The following CENPC variants were observed in gnomAD, a reference collection of about 807,000 sequenced individuals.
The protein encoded by CENPC is CENP-C 1.
CENPC carries 63 observed loss-of-function variants against 112.1 expected under a neutral mutation model. The ratio of observed to expected loss-of-function variants is 0.56; its 90% CI spans 0.46 to 0.69. The LOEUF is 0.69. Among genes scored for constraint, CENPC ranks in the 30% least tolerant of loss-of-function variants. The pLI is 0.00. For missense variants in CENPC, 1,000 were observed against 1,103.8 expected, an observed-to-expected ratio of 0.91 and a Z score of 1.33; for synonymous variants, 333 against 367.6, an observed-to-expected ratio of 0.91 and a Z score of 1.08.
intron 9 of CENPC, among the ~76,000 whole-genome samples, chr4:67,509,341 T>A (rs1370200432): frequency 3.3e-5 from 5 of 151,962 alleles, no homozygotes; most frequent in Non-Finnish European, 7.4e-5. Flanking sequence ...GCCCTTCAAA[T>A]CTGTCACAGG....
At chr4:67,492,798 A>G (rs775332844) in intron 15 of CENPC, 71 bp downstream of exon 15, 22 of 1,423,596 alleles carry the variant, frequency 1.5e-5, no homozygotes, top group African/African-American at 2.9e-5. Flanking sequence ...CATATTTTGC[A>G]AAGAGCTTCT....
At chr4:67,543,948 C>G (rs2109839760) in intron 2 of CENPC, among the ~76,000 whole-genome samples, 1 of 152,298 alleles carries the variant, frequency 6.6e-6, no homozygotes, top group East Asian at 1.9e-4. Flanking sequence ...ACTATTTTAT[C>G]AGGTGAATTT....
At chr4:67,508,693 G>A (rs1317678654) in intron 10 of CENPC, 121 bp downstream of exon 10, 2 of 846,458 alleles carry the variant, frequency 2.4e-6, no homozygotes, top group East Asian at 5.3e-5. Context: ...TTTAATACCA[G>A]GTATGTCAGA....
intron 18 of CENPC, among the ~76,000 whole-genome samples, chr4:67,473,882 A>G (rs1724735520): frequency 1.3e-5 from 2 of 152,182 alleles, no homozygotes; most frequent in Non-Finnish European, 2.9e-5. Flanking sequence ...GAATGAGTGA[A>G]TGAATGACAA....
At chr4:67,472,775 AAG>A in intron 18 of CENPC, 100 bp from the exon 19 acceptor site, 1 of 1,228,346 alleles carries the variant, frequency 8.1e-7, no homozygotes, top group African/African-American at 1.6e-5. Context: ...TATAGGACAC[AAG>A]ATAAAAACAA....
At chr4:67,541,204 A>G (rs1726880582) in intron 2 of CENPC, among the ~76,000 whole-genome samples, 154 bp from the exon 3 acceptor site, 1 of 152,190 alleles carries the variant, frequency 6.6e-6, no homozygotes, top group Admixed American at 6.5e-5. Flanking sequence ...TTGAGGGTCT[A>G]TACATTCCCT....
Position 67,512,539 on chromosome 4 carries a change from T to C in CENPC, c.1475A>G (p.Lys492Arg). ...AAAGCGCTTCTTTTTAGATTCTTCCTTATCTTTTCTAGTGCTACTTTTCTT... is the reference window on the plus strand; with the variant it reads ...AAAGCGCTTCTTTTTAGATTCTTCCCTATCTTTTCTAGTGCTACTTTTCTT... Reference protein sequence around the residue: ...GSKKSSTRKDKEESKKKRFSS... With the variant: ...GSKKSSTRKDREESKKKRFSS... The change falls in exon 9 of 19, where the codon AAG becomes AGG. Residue 492 changes from lysine to arginine, a missense_variant. Coordinates refer to ENST00000273853, the MANE Select transcript of CENPC (RefSeq NM_001812.4). The C allele has an allele frequency of 6.4e-7, 1 of 1,557,744 alleles. No individual in the cohort carries two copies. The highest frequency in any genetic ancestry group is 8.7e-7 in the Non-Finnish European group (1 of 1,155,094).
chr4:67,514,151 C>A lies in CENPC; in HGVS notation c.1367G>T (p.Arg456Ile). The change falls in exon 8 of 19, where the codon AGA becomes ATA. Residue 456 changes from arginine to isoleucine, a missense_variant. By Grantham distance (97) the Arg-to-Ile change is moderately conservative. Coordinates refer to ENST00000273853, the MANE Select transcript of CENPC (RefSeq NM_001812.4). ...TSHITQDEFQ[R>I]NSDRNMEEHE... is the part of the protein sequence containing the mutation. ...CTCTTCCATATTTCTGTCTGAATTT[C>A]TTTGAAATTCGTCTTGGGTAATATG... 2 of 1,610,840 alleles carry A rather than the reference C, an allele frequency of 1.2e-6. No homozygotes were observed. The highest frequency in any genetic ancestry group is 1.7e-6 in the Non-Finnish European group (2 of 1,178,726).
chr4:67,510,681 T>C (rs1436314623), intron 9 of CENPC: 1 of 244,102 alleles, frequency 4.1e-6, no homozygotes, highest in Admixed American at 5.1e-5. Flanking sequence ...ACCTCATTCC[T>C]GCCCCATGGC....
chr4:67,507,194 G>A (rs1236810742), intron 10 of CENPC, among the ~76,000 whole-genome samples: 2 of 152,102 alleles, frequency 1.3e-5, no homozygotes, highest in East Asian at 1.9e-4. Context: ...GGGACATAAG[G>A]AGACCTTATC....
At chr4:67,474,025 T>C (rs1345382721) in intron 18 of CENPC, among the ~76,000 whole-genome samples, 2 of 152,160 alleles carry the variant, frequency 1.3e-5, no homozygotes, top group African/African-American at 4.8e-5. Context: ...ATAATTTTTG[T>C]TCTCCTCTGT....
At chr4:67,519,190 G>C (rs773541198) in intron 6 of CENPC, 27 bp downstream of exon 6, 3 of 1,475,762 alleles carry the variant, frequency 2.0e-6, no homozygotes, top group Non-Finnish European at 2.7e-6. Flanking sequence ...TTTAAAGTGC[G>C]TTAACATTAT....
At chr4:67,487,568 T>C (rs555053341) in intron 17 of CENPC, among the ~76,000 whole-genome samples, 11 of 151,816 alleles carry the variant, frequency 7.2e-5, no homozygotes, top group Non-Finnish European at 1.2e-4. Context: ...TTTAAGTAGG[T>C]TGCTGTCACC....
At chr4:67,502,279 G>T (rs1725611689) in intron 12 of CENPC, among the ~76,000 whole-genome samples, 1 of 152,002 alleles carries the variant, frequency 6.6e-6, no homozygotes, top group Non-Finnish European at 1.5e-5. Context: ...GACAATAAGT[G>T]TATATATATT....
chr4:67,512,329 T>C (rs1348403525), intron 9 of CENPC, 73 bp downstream of exon 9: 3 of 1,102,134 alleles, frequency 2.7e-6, no homozygotes, highest in Non-Finnish European at 3.9e-6. Flanking sequence ...TATAGAAATA[T>C]AAAATCAAAC....
In CENPC at chr4:67,509,144, T is replaced by G. The variant is rs1577989359; in HGVS notation, c.1613-39A>C. The G allele has an allele frequency of 3.3e-6, 5 of 1,518,800 alleles. No individual in the cohort carries two copies. The East Asian group carries it at 1.1e-4, about 35-fold the overall frequency. The allele number at this position is 1,518,800 out of a possible 1,614,324, so 94.1% of individuals were successfully genotyped here. On this transcript the variant is annotated intron_variant, in intron 9 of 18. Transcript: ENST00000273853. The stretch of plus-strand genomic sequence containing the variant: ...TGATAACCTAAAGTTAGTAAGTTTG[T>G]CCAGATGATTTGGCTCACTGAAATA...
chr4:67,530,769 T>C, intron 5 of CENPC, 46 bp downstream of exon 5: 1 of 985,748 alleles, frequency 1.0e-6, no homozygotes, highest in African/African-American at 1.7e-5. Context: ...GTTTCTCATT[T>C]TTTAAATATA....
intron 4 of CENPC, among the ~76,000 whole-genome samples, chr4:67,533,369 C>T (rs146003637): frequency 9.1e-4 from 139 of 152,310 alleles, no homozygotes; most frequent in Middle Eastern, 3.4e-3. Flanking sequence ...TCAAATTAAA[C>T]CTCCTTTTCT....
At chr4:67,499,472 T>G (rs1725531146) in intron 12 of CENPC, among the ~76,000 whole-genome samples, 1 of 152,246 alleles carries the variant, frequency 6.6e-6, no homozygotes, top group Admixed American at 6.5e-5. Context: ...GCTTCTTTCC[T>G]TAAACCTCAT....
Sources: allele counts gnomAD v4.1 joint callset (sites outside exome capture counted in the v4.1 genomes callset), GRCh38; gene constraint gnomAD v4.1.1; transcripts MANE v1.5; gene names NCBI Gene and HGNC (gene_info 2026-07-23, HGNC 2026-07-21).